POC5: variants seen among roughly 807,000 people sequenced by gnomAD.
The protein encoded by POC5 is POC5 centriolar protein.
A neutral mutation model predicts 62.9 loss-of-function variants in POC5; 48 were observed. That is an observed-to-expected ratio of 0.76 (90% CI 0.61 to 0.97). The LOEUF is 0.97. Ranked by LOEUF, POC5 falls within the 50% of genes least tolerant of loss-of-function variation. The pLI is 0.00. For synonymous variants in POC5, 236 were observed against 228.2 expected (o/e 1.03, Z -0.31); for missense variants, 696 against 679.5 (o/e 1.02, Z -0.27).
intron 3 of POC5, among the ~76,000 whole-genome samples, chr5:75,707,134 T>C (rs114556078): frequency 0.033 from 5,021 of 152,298 alleles, 106 homozygotes; most frequent in Non-Finnish European, 0.047. Flanking sequence ...ATTTAGAGTT[T>C]GGGATGTTGT....
rs754683608 is a variant in POC5, at chr5:75,677,774, C to CA, written c.1583dup (p.Gln529AlafsTer18). 2.5e-6 allele frequency: 4 copies of CA among 1,599,294 alleles called. No individual in the cohort carries two copies. In the African/African-American group the frequency reaches 4.0e-5, roughly 16 times the overall value. On this transcript the variant is annotated frameshift_variant and splice_region_variant, in exon 11 of 12. Transcript: ENST00000428202. LOFTEE classifies it high-confidence loss of function. ...AAAAGGTCATCAAATGTGGACTCAC[C>CA]ACTGTGACTGGATGATGTTTTTCCA...
chr5:75,691,679 C>T (rs1436012856), intron 7 of POC5, among the ~76,000 whole-genome samples: 2 of 151,792 alleles, frequency 1.3e-5, no homozygotes, highest in South Asian at 2.1e-4. Flanking sequence ...AGAGATTATT[C>T]CATAGCTCAC....
At chr5:75,703,399 G>A (rs1448480011) in intron 4 of POC5, among the ~76,000 whole-genome samples, 5 of 152,000 alleles carry the variant, frequency 3.3e-5, no homozygotes, top group Non-Finnish European at 2.9e-5. Flanking sequence ...AGGCCGAGGC[G>A]GGTGAATCAT....
At chr5:75,687,867 A>C (rs1322345052) in intron 9 of POC5, among the ~76,000 whole-genome samples, 1 of 152,214 alleles carries the variant, frequency 6.6e-6, no homozygotes, top group Non-Finnish European at 1.5e-5. Flanking sequence ...TTAGAACTGA[A>C]ACAGACTATT....
At chr5:75,674,716 C>A in intron 11 of POC5, 138 bp from the exon 12 acceptor site, 1 of 1,130,350 alleles carries the variant, frequency 8.8e-7, no homozygotes, top group Admixed American at 2.3e-5. Context: ...TGGAGTGAAG[C>A]AGCTGTTAAT....
At chr5:75,699,103 G>T (rs1446497438) in intron 5 of POC5, among the ~76,000 whole-genome samples, 2 of 152,140 alleles carry the variant, frequency 1.3e-5, no homozygotes, top group Non-Finnish European at 2.9e-5. Context: ...AAGAGTCCAG[G>T]ACCAGATGGA....
intron 9 of POC5, among the ~76,000 whole-genome samples, chr5:75,685,950 G>A (rs561367261): frequency 1.3e-4 from 19 of 151,992 alleles, no homozygotes; most frequent in Non-Finnish European, 2.8e-4. Flanking sequence ...TTCATGTATT[G>A]CGCCTATCCT....
intron 5 of POC5, among the ~76,000 whole-genome samples, chr5:75,699,003 C>T (rs1312194045): frequency 6.6e-6 from 1 of 151,944 alleles, no homozygotes; most frequent in African/African-American, 2.4e-5. Flanking sequence ...ATACACTCTC[C>T]CAAGACTAAA....
intron 1 of POC5, among the ~76,000 whole-genome samples, chr5:75,714,931 G>T (rs1777488451): frequency 6.6e-6 from 1 of 152,124 alleles, no homozygotes; most frequent in Non-Finnish European, 1.5e-5. Flanking sequence ...TGAAAAAAGG[G>T]AATGGATGAG....
chr5:75,687,525 A>T (rs1776146284), intron 9 of POC5, among the ~76,000 whole-genome samples: 1 of 152,188 alleles, frequency 6.6e-6, no homozygotes, highest in Non-Finnish European at 1.5e-5. Context: ...CATTCTTGTC[A>T]TCTTTCTCAT....
chr5:75,691,732 A>G (rs1258259366), intron 7 of POC5, among the ~76,000 whole-genome samples: 1 of 152,074 alleles, frequency 6.6e-6, no homozygotes, highest in Non-Finnish European at 1.5e-5. Flanking sequence ...TTCATCTCCT[A>G]TATTCATGTG....
chr5:75,685,541 T>G, intron 9 of POC5, 57 bp from the exon 10 acceptor site: 1 of 1,519,422 alleles, frequency 6.6e-7, no homozygotes, highest in Non-Finnish European at 8.9e-7. Context: ...TACTATTATC[T>G]TCCAAACAAT....
intron 5 of POC5, among the ~76,000 whole-genome samples, chr5:75,696,947 G>A (rs1222202625): frequency 6.6e-6 from 1 of 152,008 alleles, no homozygotes; most frequent in Non-Finnish European, 1.5e-5. Flanking sequence ...CTGGAAGAAA[G>A]GGTATCAGCA....
chr5:75,707,952 G>C, intron 2 of POC5, 77 bp from the exon 3 acceptor site: 4 of 1,301,724 alleles, frequency 3.1e-6, no homozygotes, highest in Non-Finnish European at 4.2e-6. Context: ...TTGTTTTAAA[G>C]AAATTTAATT....
chr5:75,712,954 A>G lies in POC5; in HGVS notation c.-14-3T>C, dbSNP rs1217936652. On this transcript the variant is annotated splice_region_variant and splice_polypyrimidine_tract_variant and intron_variant, in intron 1 of 11. Transcript: ENST00000428202. ...TGATGACATTCTGCACAAATGCTCT[A>G]AAACAGTAGAAGCTAACTTTAGCTT... 1.3e-6 allele frequency: 2 copies of G among 1,587,036 alleles called. No individual in the cohort carries two copies. Among genetic ancestry groups the G allele is most frequent in the African/African-American group, 1.3e-5 (1 of 74,100 alleles).
intron 10 of POC5, among the ~76,000 whole-genome samples, chr5:75,684,554 C>T (rs571580160): frequency 6.6e-6 from 1 of 151,938 alleles, no homozygotes; most frequent in South Asian, 2.1e-4. Flanking sequence ...TTAGTAGAGG[C>T]GGGGTTTCAC....
At chr5:75,701,715 T>TATA (rs995409982) in intron 5 of POC5, among the ~76,000 whole-genome samples, 2 of 142,938 alleles carry the variant, frequency 1.4e-5, no homozygotes, top group Admixed American at 7.1e-5. Context: ...AAACTTAAAG[T>TATA]ATAATAATAA....
chr5:75,697,237 A>T (rs939292531), intron 5 of POC5, among the ~76,000 whole-genome samples: 9 of 152,116 alleles, frequency 5.9e-5, no homozygotes, highest in Non-Finnish European at 7.3e-5. Flanking sequence ...GAAGAGCAAC[A>T]CCAAGACACA....
intron 9 of POC5, among the ~76,000 whole-genome samples, chr5:75,687,391 T>TA (rs11456573): frequency 0.24 from 37,092 of 151,584 alleles, 4,733 homozygotes; most frequent in South Asian, 0.32. Context: ...TTATGAGAAC[T>TA]AAAAAAAATA....
Sources: gnomAD v4.1 joint callset for allele counts (sites outside exome capture counted in the v4.1 genomes callset) on GRCh38, gnomAD v4.1.1 for gene constraint, MANE v1.5 for transcripts, NCBI Gene and HGNC (gene_info 2026-07-23, HGNC 2026-07-21) for gene names.